The following G2E3 variants were observed in gnomAD, a reference collection of about 807,000 sequenced individuals.
The protein encoded by G2E3 is G2/M phase-specific E3 ubiquitin-protein ligase.
G2E3 carries 35 observed loss-of-function variants against 92.8 expected under a neutral mutation model. That is an observed-to-expected ratio of 0.38 (90% CI 0.29 to 0.50). The LOEUF (loss-of-function observed/expected upper bound fraction) is 0.50. G2E3 is among the 20% of genes least tolerant of loss of function. The pLI, the probability that G2E3 is intolerant of heterozygous loss-of-function variation, is 0.94. For synonymous variants in G2E3, 242 were observed against 272.4 expected (o/e 0.89, Z 1.10); for missense variants, 554 against 823.8 (o/e 0.67, Z 4.01).
At chr14:30,561,058 T>C (rs1200549397) in intron 1 of G2E3, among the ~76,000 whole-genome samples, 1 of 152,240 alleles carries the variant, frequency 6.6e-6, no homozygotes, top group Admixed American at 6.5e-5. Context: ...GTAGGATTAT[T>C]GTGAGGATTG....
Position 30,616,408 on chromosome 14 carries a change from G to A in G2E3, c.1995G>A (p.Lys665=). ...ATGTGGATTTTCCTGTTGGAAACAA[G>A]TGTAATAACTGTTTAGCAATTCCCA... is the stretch of plus-strand genomic sequence containing the variant. ...CLHVDFPVGN[K]CNNCLAIPIT... The change falls in exon 15 of 15, where the codon AAG becomes AAA. Residue 665 remains lysine, a synonymous_variant. Coordinates refer to ENST00000206595, the MANE Select transcript of G2E3 (RefSeq NM_017769.5). 6.2e-7 allele frequency: 1 copy of A among 1,612,736 alleles called. No individual in the cohort carries two copies. The highest frequency in any genetic ancestry group is 2.2e-5 in the East Asian group (1 of 44,810).
chr14:30,593,402 T>C, intron 5 of G2E3, 72 bp from the exon 6 acceptor site: 5 of 687,816 alleles, frequency 7.3e-6, no homozygotes, highest in Non-Finnish European at 1.2e-5. Flanking sequence ...ATTTTATATA[T>C]GTGAATTACA....
rs1881789755 is a variant in G2E3 at position 30,605,498 on chromosome 14, T to C, written c.1011-7T>C. 8.3e-7 allele frequency: 1 copy of C among 1,198,132 alleles called. No individual in the cohort carries two copies. Among genetic ancestry groups the C allele is most frequent in the East Asian group, 2.4e-5 (1 of 42,274 alleles). The allele number at this position is 1,198,132 out of a possible 1,614,324, so 74.2% of individuals were successfully genotyped here. ...CTTATCTCTATATTTAAATTCATGT[T>C]TTATAGGCAAGGCAGCAAATTTAGA... On this transcript the variant is annotated splice_region_variant and splice_polypyrimidine_tract_variant and intron_variant, in intron 10 of 14. Transcript: ENST00000206595.
At chr14:30,579,784 G>A (rs1407622432) in intron 1 of G2E3, among the ~76,000 whole-genome samples, 2 of 152,102 alleles carry the variant, frequency 1.3e-5, no homozygotes, top group African/African-American at 4.8e-5. Flanking sequence ...TCTGAGAACT[G>A]GTTTTTGCAA....
chr14:30,572,449 T>G (rs1475736485), intron 1 of G2E3, among the ~76,000 whole-genome samples: 2 of 152,194 alleles, frequency 1.3e-5, no homozygotes, highest in African/African-American at 4.8e-5. Context: ...TGCCCTTTTG[T>G]ATCTGTTGAC....
chr14:30,599,998 G>T (rs448175), intron 8 of G2E3, among the ~76,000 whole-genome samples: 74,035 of 152,044 alleles, frequency 0.49, 21,014 homozygotes, highest in African/African-American at 0.79. Flanking sequence ...TTGTGCATTT[G>T]AGGTACAGTG....
intron 1 of G2E3, among the ~76,000 whole-genome samples, chr14:30,569,282 C>T (rs1879618179): frequency 6.6e-6 from 1 of 152,092 alleles, no homozygotes; most frequent in African/African-American, 2.4e-5. Context: ...TTTCTGAATT[C>T]CTTTCACCCT....
intron 12 of G2E3, chr14:30,611,934 C>G (rs1038978073): frequency 3.7e-6 from 1 of 273,828 alleles, no homozygotes; most frequent in African/African-American, 2.3e-5. Flanking sequence ...TTACCTAGTG[C>G]TATATAATTT....
chr14:30,579,738 A>C (rs935595749), intron 1 of G2E3, among the ~76,000 whole-genome samples: 1 of 152,204 alleles, frequency 6.6e-6, no homozygotes, highest in Non-Finnish European at 1.5e-5. Flanking sequence ...TATTCCCACT[A>C]ACTAACTCCT....
At chr14:30,610,235 CTTGGAATTTACATTA>C (rs1264684660) in intron 12 of G2E3, among the ~76,000 whole-genome samples, 2 of 152,154 alleles carry the variant, frequency 1.3e-5, no homozygotes, top group Non-Finnish European at 2.9e-5. Context: ...TATCTGCCTT[CTTGGAATTTACATTA>C]AGAGAGAACA....
At chr14:30,592,187 A>G in intron 4 of G2E3, 136 bp from the exon 5 acceptor site, 1 of 717,222 alleles carries the variant, frequency 1.4e-6, no homozygotes, top group South Asian at 1.9e-5. Context: ...AAATTTATTT[A>G]ATATACCCTT....
At chr14:30,614,361 A>G (rs1882222800) in intron 13 of G2E3, among the ~76,000 whole-genome samples, 1 of 152,256 alleles carries the variant, frequency 6.6e-6, no homozygotes, top group Non-Finnish European at 1.5e-5. Context: ...GCATAGTGCC[A>G]GTATCTGCTC....
chr14:30,572,562 A>T (rs1433519487), intron 1 of G2E3, among the ~76,000 whole-genome samples: 1 of 152,150 alleles, frequency 6.6e-6, no homozygotes, highest in African/African-American at 2.4e-5. Flanking sequence ...CAGTTTTATC[A>T]TGATTGGTTG....
At chr14:30,610,839 C>T (rs1196259347) in intron 12 of G2E3, among the ~76,000 whole-genome samples, 1 of 152,102 alleles carries the variant, frequency 6.6e-6, no homozygotes, top group African/African-American at 2.4e-5. Context: ...TGGCTTGTTG[C>T]CTGTTTGGTA....
At chr14:30,604,450 GGA>G (rs1319490033) in intron 10 of G2E3, among the ~76,000 whole-genome samples, 1 of 152,222 alleles carries the variant, frequency 6.6e-6, no homozygotes. Flanking sequence ...ACTGAGGGAA[GGA>G]GTGATTGAGC....
In G2E3 at chr14:30,615,478, A is replaced by G. The variant is rs1304287632; in HGVS notation, c.1803A>G (p.Val601=). The G allele has an allele frequency of 6.2e-7, 1 of 1,611,330 alleles. No homozygotes were observed. The part of the protein sequence containing the change: ...SAKILSELFT[V]HTLPDVKALG... ...AAATCCTTAGTGAGCTTTTTACAGT[A>G]CACACATTACCTGATGTGAAAGCTT... Residue 601 remains valine (V), a synonymous_variant, in exon 14 of 15, where the codon GTA becomes GTG. Transcript: ENST00000206595.
intron 1 of G2E3, among the ~76,000 whole-genome samples, chr14:30,579,680 C>A (rs1414141894): frequency 6.6e-6 from 1 of 152,152 alleles, no homozygotes; most frequent in African/African-American, 2.4e-5. Context: ...ATTATTTTCA[C>A]ATGAAGTACC....
At chr14:30,603,932 A>G (rs1379464069) in intron 10 of G2E3, among the ~76,000 whole-genome samples, 1 of 152,240 alleles carries the variant, frequency 6.6e-6, no homozygotes, top group East Asian at 1.9e-4. Flanking sequence ...CAGGTAGAAT[A>G]TTAAGTACTC....
chr14:30,579,964 CT>C (rs1473253189), intron 1 of G2E3, among the ~76,000 whole-genome samples: 2 of 152,114 alleles, frequency 1.3e-5, no homozygotes, highest in Non-Finnish European at 2.9e-5. Context: ...TGTTGGTCTT[CT>C]TTTCTTTGAT....
Sources: gnomAD v4.1 joint callset for allele counts (sites outside exome capture counted in the v4.1 genomes callset) on GRCh38, gnomAD v4.1.1 for gene constraint, MANE v1.5 for transcripts, NCBI Gene and HGNC (gene_info 2026-07-23, HGNC 2026-07-21) for gene names.